Variants in NOL4L observed in about 807,000 individuals in gnomAD.
The protein encoded by NOL4L is nucleolar protein 4-like.
NOL4L carries 7 observed loss-of-function variants against 64.5 expected under a neutral mutation model. The ratio of observed to expected loss-of-function variants is 0.11; its 90% CI spans 0.06 to 0.20. The LOEUF is 0.20. NOL4L is among the 10% of genes least tolerant of loss of function. The pLI is 1.00. For synonymous variants in NOL4L, 413 were observed against 401.0 expected, an observed-to-expected ratio of 1.03 and a Z score of -0.36; for missense variants, 680 against 967.1, an observed-to-expected ratio of 0.70 and a Z score of 3.94.
At chr20:32,572,466 T>G (rs1161272797) in intron 1 of NOL4L, 1 of 152,254 alleles carries the variant, frequency 6.6e-6, no homozygotes, top group Non-Finnish European at 1.5e-5. Flanking sequence ...TCTCCCCATT[T>G]TACAGATGTG....
chr20:32,481,791 G>A (rs1268450818), intron 4 of NOL4L, among the ~76,000 whole-genome samples: 1 of 152,212 alleles, frequency 6.6e-6, no homozygotes, highest in Non-Finnish European at 1.5e-5. Context: ...CAGGGCCTGG[G>A]CCATAAACGG....
intron 1 of NOL4L, among the ~76,000 whole-genome samples, chr20:32,579,121 C>G (rs948722781): frequency 2.0e-5 from 3 of 152,172 alleles, no homozygotes; most frequent in Non-Finnish European, 4.4e-5. Flanking sequence ...CAGGGTGAGT[C>G]CAATCCAGAT....
At chr20:32,494,340 A>G (rs1207933751) in intron 4 of NOL4L, among the ~76,000 whole-genome samples, 2 of 144,654 alleles carry the variant, frequency 1.4e-5, no homozygotes, top group South Asian at 4.2e-4. Flanking sequence ...GCCGAGCCTC[A>G]GTTTCCCTGT....
intron 1 of NOL4L, among the ~76,000 whole-genome samples, chr20:32,551,188 C>T (rs774285049): frequency 6.6e-6 from 1 of 151,574 alleles, no homozygotes; most frequent in Non-Finnish European, 1.5e-5. Flanking sequence ...CCAGCCTGGC[C>T]AACATAGTGA....
rs1269466974 is a variant in NOL4L at position 32,475,421 on chromosome 20, G to T, written c.700-679C>A. The stretch of plus-strand genomic sequence containing the variant: ...ACCGCAAAGGGGGTTCAGCTCAAGG[G>T]CCTGGGGGGCCGCCAGGGCGTTCCA... On this transcript the variant is annotated intron_variant, in intron 4 of 10. Transcript: ENST00000621426. 9.9e-6 allele frequency: 8 copies of T among 806,622 alleles called. No individual in the cohort carries two copies. The African/African-American group carries it at 1.5e-4, about 15-fold the overall frequency. 50.0% of individuals were successfully genotyped at this position (806,622 alleles called of 1,614,324 possible). A position where few individuals can be genotyped will look rare whatever the true frequency, so the allele number is the denominator to read the frequency against.
chr20:32,481,233 G>A (rs1247637372), intron 4 of NOL4L, among the ~76,000 whole-genome samples: 1 of 152,150 alleles, frequency 6.6e-6, no homozygotes, highest in Non-Finnish European at 1.5e-5. Flanking sequence ...AAGGCACCTG[G>A]CTGCTCCCCA....
intron 4 of NOL4L, among the ~76,000 whole-genome samples, chr20:32,498,131 G>A (rs536402124): frequency 1.6e-4 from 25 of 152,330 alleles, no homozygotes; most frequent in Non-Finnish European, 3.4e-4. Flanking sequence ...CAGGTTCGGG[G>A]TATCTGCCAA....
chr20:32,485,127 T>A (rs1393473271), intron 4 of NOL4L, among the ~76,000 whole-genome samples: 1 of 137,210 alleles, frequency 7.3e-6, no homozygotes, highest in Non-Finnish European at 1.5e-5. Context: ...CACCTCCTGA[T>A]TCCTCTGGTC....
At chr20:32,461,071 C>T (rs750106199) in intron 5 of NOL4L, among the ~76,000 whole-genome samples, 24 of 152,232 alleles carry the variant, frequency 1.6e-4, no homozygotes, top group Non-Finnish European at 2.1e-4. Context: ...GCCTCATGAA[C>T]CAACAGGGGC....
chr20:32,453,956 A>G lies in NOL4L; in HGVS notation c.1120-195T>C. ...TCTGTGCAATGGGGACAGCAATGCT[A>G]CCACCTCCCTCCCTGGGCTGCCGCA... is the stretch of plus-strand genomic sequence containing the variant. On this transcript the variant is annotated intron_variant, in intron 6 of 10. Coordinates refer to ENST00000621426, the MANE Select transcript of NOL4L (RefSeq NM_001256798.2). The surrounding 1 kb of genome is among the most constrained non-coding windows in gnomAD (Gnocchi z 5.6). 1.7e-6 allele frequency: 1 copy of G among 600,014 alleles called. No homozygotes were observed. The highest frequency in any genetic ancestry group is 3.0e-6 in the Non-Finnish European group (1 of 338,416). 37.2% of individuals were successfully genotyped at this position (600,014 alleles called of 1,614,324 possible).
intron 1 of NOL4L, 130 bp downstream of exon 1, chr20:32,584,440 G>T: frequency 1.3e-6 from 1 of 745,404 alleles, no homozygotes; most frequent in Non-Finnish European, 1.8e-6. Context: ...GTGCGCCTCC[G>T]GCGGGCCCGA....
intron 4 of NOL4L, among the ~76,000 whole-genome samples, chr20:32,488,897 T>G (rs113961866): frequency 7.4e-6 from 1 of 135,374 alleles, no homozygotes; most frequent in African/African-American, 2.8e-5. Context: ...CTTTCTTTCC[T>G]CTCTCTTTCT....
At chr20:32,559,495 G>C (rs758011573) in intron 1 of NOL4L, among the ~76,000 whole-genome samples, 4 of 152,252 alleles carry the variant, frequency 2.6e-5, no homozygotes, top group Non-Finnish European at 4.4e-5. Flanking sequence ...ATTGCCCAGA[G>C]TTACTGGGAG....
At chr20:32,475,440 C>G in intron 4 of NOL4L, 1 of 609,696 alleles carries the variant, frequency 1.6e-6, no homozygotes, top group Non-Finnish European at 2.1e-6. Context: ...GCCGCCAGGG[C>G]GTTCCAAACA....
rs1417393326 is a variant in NOL4L, at chr20:32,464,618, C to T, written c.842-8223G>A. On this transcript the variant is annotated intron_variant, in intron 5 of 10. Coordinates refer to ENST00000621426, the MANE Select transcript of NOL4L (RefSeq NM_001256798.2). The surrounding 1 kb of genome is among the most constrained non-coding windows in gnomAD (Gnocchi z 5.6). ...TGCCCCTCAGTGCCCGGGCAGTGGG[C>T]GTTCCTGCTGAAACTCTGGTCACTC... is the stretch of plus-strand genomic sequence containing the variant. Among the ~76,000 whole-genome samples the T allele has an allele frequency of 1.3e-5, 2 of 152,354 alleles. No homozygotes were observed. The highest frequency in any genetic ancestry group is 1.3e-4 in the Admixed American group (2 of 15,310).
intron 5 of NOL4L, among the ~76,000 whole-genome samples, chr20:32,462,987 G>A (rs1054668093): frequency 2.0e-5 from 3 of 151,544 alleles, no homozygotes; most frequent in Non-Finnish European, 4.4e-5. Flanking sequence ...AGTGGGGCCC[G>A]GGCAGGGATG....
At position 32,447,776 on chromosome 20, in the gene NOL4L, G is replaced by A; in HGVS notation, c.1863C>T (p.Thr621=). The A allele has an allele frequency of 3.2e-6, 5 of 1,583,060 alleles. No homozygotes were observed. Among genetic ancestry groups the A allele is most frequent in the Non-Finnish European group, 4.3e-6 (5 of 1,161,050 alleles). The change falls in exon 11 of 11, where the codon ACC becomes ACT. Residue 621 remains threonine, a synonymous_variant. Coordinates refer to ENST00000621426, the MANE Select transcript of NOL4L (RefSeq NM_001256798.2). The part of the protein sequence containing the change: ...DLSMKGGAST[T]STTPTPTPSS... ...AGGGGGTGGGCGTGGGGGTGGTGGA[G>A]GTGGTAGAGGCCCCGCCTTTCATGC...
At chr20:32,544,569 G>T (rs2145600573) in intron 1 of NOL4L, among the ~76,000 whole-genome samples, 1 of 152,232 alleles carries the variant, frequency 6.6e-6, no homozygotes, top group Non-Finnish European at 1.5e-5. Flanking sequence ...TTGGCTGCAG[G>T]GTAAAGGGGT....
intron 1 of NOL4L, among the ~76,000 whole-genome samples, chr20:32,552,550 G>A (rs1162325161): frequency 1.3e-5 from 2 of 152,110 alleles, no homozygotes; most frequent in Non-Finnish European, 2.9e-5. Flanking sequence ...AGCCAGGCAT[G>A]GTGGTGGACG....
Sources: gnomAD v4.1 joint callset for allele counts (sites outside exome capture counted in the v4.1 genomes callset) on GRCh38, gnomAD v4.1.1 for gene constraint, Gnocchi (gnomAD v3.1) non-coding constraint, MANE v1.5 for transcripts, NCBI Gene and HGNC (gene_info 2026-07-23, HGNC 2026-07-21) for gene names.